The following PPARGC1A variants were observed in gnomAD, a reference collection of about 807,000 sequenced individuals.
PPARGC1A encodes PPARG coactivator 1 alpha.
Under a neutral mutation model 88.7 loss-of-function variants are expected in PPARGC1A, and 25 were observed. The ratio of observed to expected loss-of-function variants is 0.28; its 90% CI spans 0.21 to 0.39. The LOEUF is 0.39. Ranked by LOEUF, PPARGC1A falls within the 10% of genes least tolerant of loss-of-function variation. The probability of loss-of-function intolerance (pLI) is 1.00; values close to 1 mark genes in which losing one functional copy is unlikely to be tolerated. For missense variants in PPARGC1A, 880 were observed against 968.7 expected (o/e 0.91, Z 1.22); for synonymous variants, 363 against 355.6 (o/e 1.02, Z -0.24).
At chr4:23,878,169 A>C (rs1215087350) in intron 2 of PPARGC1A, among the ~76,000 whole-genome samples, 1 of 152,154 alleles carries the variant, frequency 6.6e-6, no homozygotes, top group Non-Finnish European at 1.5e-5. Context: ...AAAAACCTAC[A>C]ATAAGCCCAT....
At chr4:24,401,626 C>T in the PPARGC1A span, among the ~76,000 whole-genome samples, 7 of 152,154 alleles carry the variant, frequency 4.6e-5, no homozygotes, top group South Asian at 2.1e-4. Flanking sequence ...TCACAAAAAC[C>T]CTTTAAGATA....
chr4:23,914,491 G>T, the PPARGC1A span, among the ~76,000 whole-genome samples: 1 of 152,144 alleles, frequency 6.6e-6, no homozygotes, highest in Non-Finnish European at 1.5e-5. Flanking sequence ...CCACAGTCCT[G>T]CAAAGGCCTT....
the PPARGC1A span, among the ~76,000 whole-genome samples, chr4:23,956,628 T>C: frequency 1.3e-5 from 2 of 152,120 alleles, no homozygotes; most frequent in African/African-American, 4.8e-5. Flanking sequence ...TAGTCCTCTT[T>C]TTTCTTCAGT....
At chr4:24,151,633 AT>A in the PPARGC1A span, among the ~76,000 whole-genome samples, 2 of 152,108 alleles carry the variant, frequency 1.3e-5, no homozygotes. Context: ...ATATTAATTC[AT>A]TTTTTTCACC....
At chr4:24,143,801 A>G in the PPARGC1A span, among the ~76,000 whole-genome samples, 1 of 152,264 alleles carries the variant, frequency 6.6e-6, no homozygotes, top group Non-Finnish European at 1.5e-5. Context: ...AGGAAGGCTT[A>G]AGTCAAATCA....
At chr4:24,358,502 A>T in the PPARGC1A span, among the ~76,000 whole-genome samples, 1 of 152,186 alleles carries the variant, frequency 6.6e-6, no homozygotes, top group Non-Finnish European at 1.5e-5. Flanking sequence ...AGTGCTCTGT[A>T]TTGACCCAAG....
At chr4:23,850,874 C>G (rs1038610298) in intron 2 of PPARGC1A, among the ~76,000 whole-genome samples, 2 of 152,164 alleles carry the variant, frequency 1.3e-5, no homozygotes, top group Admixed American at 1.3e-4. Context: ...GTGACCCTAA[C>G]TTATCCAGAA....
chr4:24,229,152 C>CTTTTTTTTTGTTTTTTTT, the PPARGC1A span, among the ~76,000 whole-genome samples: 1 of 60,894 alleles, frequency 1.6e-5, no homozygotes, highest in Non-Finnish European at 3.1e-5. Flanking sequence ...GTATCTGGAC[C>CTTTTTTTTTGTTTTTTTT]TTTTTTTTTT....
chr4:23,918,541 C>T, the PPARGC1A span, among the ~76,000 whole-genome samples: 1 of 152,102 alleles, frequency 6.6e-6, no homozygotes, highest in South Asian at 2.1e-4. Flanking sequence ...AATTCAAAAT[C>T]GATTATACAT....
chr4:24,116,948 C>A, the PPARGC1A span, among the ~76,000 whole-genome samples: 1 of 152,212 alleles, frequency 6.6e-6, no homozygotes, highest in South Asian at 2.1e-4. Context: ...CATTCCCCAA[C>A]TGGGTTCTCT....
chr4:24,457,243 A>G, the PPARGC1A span, among the ~76,000 whole-genome samples: 4 of 152,246 alleles, frequency 2.6e-5, no homozygotes, highest in South Asian at 6.2e-4. Flanking sequence ...TTGGGGAAAA[A>G]TCAGATGTGG....
chr4:23,793,436 A>G lies in PPARGC1A; in HGVS notation c.*2386T>C, dbSNP rs528056592. 7.9e-5 allele frequency: 12 copies of G among 152,644 alleles called. No homozygotes were observed. The highest frequency in any genetic ancestry group is 2.9e-4 in the African/African-American group (12 of 41,582). 9.5% of individuals were successfully genotyped at this position (152,644 alleles called of 1,614,324 possible). ...AAGCATCCGACAGGACAAACAGTGG[A>G]TTCACTCAGAACACAATATGCTGGT... On this transcript the variant is annotated 3_prime_UTR_variant, in exon 13 of 13. Coordinates refer to ENST00000264867, the MANE Select transcript of PPARGC1A (RefSeq NM_013261.5).
At chr4:23,986,109 G>A in the PPARGC1A span, among the ~76,000 whole-genome samples, 1 of 151,952 alleles carries the variant, frequency 6.6e-6, no homozygotes, top group Non-Finnish European at 1.5e-5. Flanking sequence ...GTTAGGAAAG[G>A]TAAGTTATGT....
chr4:23,841,886 A>G (rs753075872), intron 2 of PPARGC1A, among the ~76,000 whole-genome samples: 116 of 152,180 alleles, frequency 7.6e-4, no homozygotes, highest in Non-Finnish European at 1.4e-3. Context: ...TATATTCCTG[A>G]TGTTGAGTTA....
the PPARGC1A span, among the ~76,000 whole-genome samples, chr4:24,189,187 G>A: frequency 6.6e-6 from 1 of 152,156 alleles, no homozygotes; most frequent in African/African-American, 2.4e-5. Context: ...TAGAGCTTCA[G>A]TTTGAAGCTC....
chr4:24,387,758 G>GAAAGAA, the PPARGC1A span, among the ~76,000 whole-genome samples: 24 of 62,328 alleles, frequency 3.9e-4, no homozygotes, highest in East Asian at 9.0e-4. Flanking sequence ...GAGAGAGAGA[G>GAAAGAA]AGAGAGAGAG....
chr4:24,223,312 C>T, the PPARGC1A span, among the ~76,000 whole-genome samples: 46 of 147,156 alleles, frequency 3.1e-4, no homozygotes, highest in Admixed American at 1.7e-3. Flanking sequence ...TGCAGTGGCA[C>T]GATCTCAGCC....
chr4:23,802,428 C>T, intron 10 of PPARGC1A, 83 bp from the exon 11 acceptor site: 1 of 1,551,594 alleles, frequency 6.4e-7, no homozygotes, highest in Non-Finnish European at 8.8e-7. Context: ...ACCTGTAATC[C>T]CAGCACTTTG....
chr4:23,826,417 A>T (rs989084981), intron 5 of PPARGC1A, among the ~76,000 whole-genome samples: 1 of 152,182 alleles, frequency 6.6e-6, no homozygotes, highest in South Asian at 2.1e-4. Flanking sequence ...GCATGAATAA[A>T]TGAACAAATA....
Sources: allele counts gnomAD v4.1 joint callset (sites outside exome capture counted in the v4.1 genomes callset), GRCh38; gene constraint gnomAD v4.1.1; transcripts MANE v1.5; gene names NCBI Gene and HGNC (gene_info 2026-07-23, HGNC 2026-07-21).